ALG9: variants seen among roughly 807,000 people sequenced by gnomAD.
The protein encoded by ALG9 is ALG9 alpha-1,2-mannosyltransferase, also known as alpha-1,2-mannosyltransferase ALG9.
ALG9 carries 55 observed loss-of-function variants against 81.8 expected under a neutral mutation model. The ratio of observed to expected loss-of-function variants is 0.67; its 90% CI spans 0.54 to 0.84. ALG9 has a LOEUF of 0.84. Ranked by LOEUF, ALG9 falls within the 40% of genes least tolerant of loss-of-function variation. The pLI is 0.00. For synonymous variants in ALG9, 278 were observed against 274.3 expected (o/e 1.01, Z -0.13); for missense variants, 629 against 745.0 (o/e 0.84, Z 1.81).
intron 14 of ALG9, chr11:111,798,106 G>A: frequency 5.6e-6 from 1 of 178,932 alleles, no homozygotes; most frequent in South Asian, 8.0e-5. Context: ...GGGAGACTGA[G>A]ATGGGAGGAT....
intron 2 of ALG9, 118 bp downstream of exon 2, chr11:111,870,113 TA>T: frequency 8.2e-7 from 1 of 1,213,738 alleles, no homozygotes; most frequent in South Asian, 1.8e-5. Flanking sequence ...TTTTTTTTTT[TA>T]AGAAAATACA....
At chr11:111,779,213 C>T (rs1443671854), downstream of ALG9, among the ~76,000 whole-genome samples, 1 of 152,060 alleles carries the variant, frequency 6.6e-6, no homozygotes, top group Non-Finnish European at 1.5e-5. Flanking sequence ...CAGTGGGTAC[C>T]AGGCTGTTGA....
At chr11:111,780,961 ATC>A (rs1279501224), downstream of ALG9, among the ~76,000 whole-genome samples, 2 of 152,206 alleles carry the variant, frequency 1.3e-5, no homozygotes, top group African/African-American at 4.8e-5. Context: ...ACACTGGGTA[ATC>A]AAGAAGGCTC....
At chr11:111,781,489 TA>T (rs1298691173), downstream of ALG9, among the ~76,000 whole-genome samples, 1 of 152,202 alleles carries the variant, frequency 6.6e-6, no homozygotes, top group Non-Finnish European at 1.5e-5. Flanking sequence ...AGGGGGAAAT[TA>T]CCTAAGTGTT....
chr11:111,827,393 T>G (rs1444666229), intron 13 of ALG9, among the ~76,000 whole-genome samples: 1 of 152,054 alleles, frequency 6.6e-6, no homozygotes, highest in African/African-American at 2.4e-5. Flanking sequence ...GGAGAATCAC[T>G]TGAACCCGGT....
At chr11:111,818,051 T>C (rs1951783650) in intron 13 of ALG9, among the ~76,000 whole-genome samples, 1 of 152,092 alleles carries the variant, frequency 6.6e-6, no homozygotes, top group Non-Finnish European at 1.5e-5. Context: ...AGTGCTGGGA[T>C]TTCAGGCGTG....
rs558800800 is a variant in ALG9 at position 111,784,638 on chromosome 11, A to T, written c.*1759T>A. The T allele has an allele frequency of 2.6e-5, 4 of 152,354 alleles. No homozygotes were observed. The South Asian group carries it at 8.3e-4, about 32-fold the overall frequency. The allele number at this position is 152,354 out of a possible 1,614,324, so 9.4% of individuals were successfully genotyped here. ...GTGGCTGAGGCATGAGAATTGCTTC[A>T]ACCTGGGAGGCAGAGGTTGCAGCGA... is the stretch of plus-strand genomic sequence containing the variant. On this transcript the variant is annotated 3_prime_UTR_variant, in exon 15 of 15. Coordinates refer to ENST00000616540, the MANE Select transcript of ALG9 (RefSeq NM_024740.2).
chr11:111,834,964 G>A (rs1159896350), intron 13 of ALG9, among the ~76,000 whole-genome samples: 1 of 152,226 alleles, frequency 6.6e-6, no homozygotes, highest in African/African-American at 2.4e-5. Context: ...GTGTCTTTAA[G>A]TGTCCATTTT....
At chr11:111,843,236 C>T (rs547684304) in intron 9 of ALG9, among the ~76,000 whole-genome samples, 2 of 152,240 alleles carry the variant, frequency 1.3e-5, no homozygotes, top group South Asian at 4.1e-4. Flanking sequence ...AGATGATGGC[C>T]TGGTTTCTTT....
chr11:111,825,917 C>A (rs1274891090), intron 13 of ALG9, among the ~76,000 whole-genome samples: 18 of 151,646 alleles, frequency 1.2e-4, no homozygotes, highest in African/African-American at 4.4e-4. Flanking sequence ...ACACAACTAG[C>A]CAGGCATGGC....
the ALG9 span, among the ~76,000 whole-genome samples, chr11:111,768,435 A>C: frequency 6.6e-6 from 1 of 151,952 alleles, no homozygotes; most frequent in African/African-American, 2.4e-5. Flanking sequence ...TTCCTACTTT[A>C]TATTCGTAAA....
At chr11:111,838,495 C>G in intron 10 of ALG9, 96 bp from the exon 11 acceptor site, 1 of 1,156,780 alleles carries the variant, frequency 8.6e-7, no homozygotes, top group Non-Finnish European at 1.2e-6. Context: ...TATTAGGGAT[C>G]TGAGCATTTG....
chr11:111,866,107 C>T (rs1242679894), intron 3 of ALG9, among the ~76,000 whole-genome samples: 1 of 151,998 alleles, frequency 6.6e-6, no homozygotes, highest in Non-Finnish European at 1.5e-5. Flanking sequence ...CCAGCCTGGC[C>T]AACATGGTGA....
chr11:111,809,289 G>A (rs1950352311), intron 14 of ALG9, among the ~76,000 whole-genome samples: 1 of 152,200 alleles, frequency 6.6e-6, no homozygotes, highest in African/African-American at 2.4e-5. Context: ...AGCACTTTGG[G>A]AGACCATGGC....
intron 13 of ALG9, among the ~76,000 whole-genome samples, chr11:111,817,777 CTT>C (rs530765413): frequency 2.8e-4 from 37 of 132,346 alleles, no homozygotes; most frequent in Admixed American, 2.3e-4. Flanking sequence ...ACTTGTATTT[CTT>C]TTTTTTTTTT....
intron 14 of ALG9, among the ~76,000 whole-genome samples, chr11:111,801,782 A>G (rs1481520240): frequency 2.0e-5 from 3 of 152,248 alleles, no homozygotes; most frequent in African/African-American, 4.8e-5. Context: ...ATGGGAAATG[A>G]AAATTCTCTG....
intron 13 of ALG9, among the ~76,000 whole-genome samples, chr11:111,813,154 T>C (rs1266658594): frequency 1.3e-5 from 2 of 152,066 alleles, no homozygotes; most frequent in African/African-American, 2.4e-5. Context: ...TTTAGATGAA[T>C]AGGCCTAAAA....
chr11:111,814,150 T>C (rs955313094), intron 13 of ALG9, among the ~76,000 whole-genome samples: 2 of 152,146 alleles, frequency 1.3e-5, no homozygotes, highest in Admixed American at 6.5e-5. Flanking sequence ...AATCAATAAA[T>C]TGTGGTAAAG....
At position 111,805,846 on chromosome 11, in the gene ALG9, G is replaced by A. The variant is rs118100428; in HGVS notation, c.1733+3797C>T. Among the ~76,000 whole-genome samples the A allele has an allele frequency of 4.5e-4, 69 of 152,130 alleles. 1 individual carries two copies. The East Asian group carries it at 0.013, about 28-fold the overall frequency. On this transcript the variant is annotated intron_variant, in intron 14 of 14. Coordinates refer to ENST00000616540, the MANE Select transcript of ALG9 (RefSeq NM_024740.2). ...TAGGTTCATCCATTGCTTTTTTGTTGTTGTTGTTGTTGCTGCTGTTTTGAG... is the reference window on the plus strand; with the variant it reads ...TAGGTTCATCCATTGCTTTTTTGTTATTGTTGTTGTTGCTGCTGTTTTGAG...
Sources: gnomAD v4.1 joint callset for allele counts (sites outside exome capture counted in the v4.1 genomes callset) on GRCh38, gnomAD v4.1.1 for gene constraint, MANE v1.5 for transcripts, NCBI Gene and HGNC (gene_info 2026-07-23, HGNC 2026-07-21) for gene names.